Variants in UBN1 observed in about 807,000 individuals in gnomAD.
The protein encoded by UBN1 is ubinuclein-1.
Under a neutral mutation model 108.5 loss-of-function variants are expected in UBN1, and 17 were observed. The ratio of observed to expected loss-of-function variants is 0.16; its 90% CI spans 0.11 to 0.24. UBN1 has a LOEUF of 0.24. Ranked by LOEUF, UBN1 falls within the 10% of genes least tolerant of loss-of-function variation. UBN1 has a pLI of 1.00. For missense variants in UBN1, 1,595 were observed against 1,394.4 expected, an observed-to-expected ratio of 1.14 and a Z score of -2.29; for synonymous variants, 726 against 564.2, an observed-to-expected ratio of 1.29 and a Z score of -4.07.
chr16:4,872,048 A>T (rs1181755786), intron 12 of UBN1: 2 of 336,542 alleles, frequency 5.9e-6, no homozygotes, highest in African/African-American at 2.2e-5. Flanking sequence ...CCTTGTACGA[A>T]GTCACTTCCT....
chr16:4,861,083 G>A lies in UBN1; in HGVS notation c.1091G>A (p.Arg364His), dbSNP rs766566061. ...GGCCTGCCAGCACCCCTGGAGAAGC[G>A]CGTTAAGGAGCTGGCTCAGGTATGG... is the stretch of plus-strand genomic sequence containing the variant. ...PEGLPAPLEK[R>H]VKELAQAARA... Residue 364 changes from arginine (R) to histidine (H), a missense_variant, in exon 7 of 18, where the codon CGC becomes CAC. Physicochemically the swap from Arg to His is conservative, Grantham distance 29. Transcript: ENST00000262376. 1.9e-5 allele frequency: 31 copies of A among 1,613,090 alleles called. No individual in the cohort carries two copies. The Admixed American group carries it at 2.0e-4, about 10-fold the overall frequency.
chr16:4,875,262 C>T lies in UBN1; in HGVS notation c.2852C>T (p.Pro951Leu). The T allele has an allele frequency of 6.2e-7, 1 of 1,614,256 alleles. No homozygotes were observed. The highest frequency in any genetic ancestry group is 8.5e-7 in the Non-Finnish European group (1 of 1,180,050). The change falls in exon 15 of 18, where the codon CCA becomes CTA. Residue 951 changes from proline to leucine, a missense_variant. By Grantham distance (98) the Pro-to-Leu change is moderately conservative. This residue lies in a region of UBN1 where 1,398 missense variants were observed against 1,194.7 expected (regional missense o/e 1.17). Transcript: ENST00000262376. ...GGACAGGCCACCAGCCGACCCGTCC[C>T]AAGTTCAGCAGGGAAAAAAATGCCT... ...SVGQATSRPV[P>L]SSAGKKMPVS... is the part of the protein sequence containing the mutation.
At chr16:4,864,946 A>G (rs1170453870) in intron 7 of UBN1, among the ~76,000 whole-genome samples, 3 of 152,248 alleles carry the variant, frequency 2.0e-5, no homozygotes, top group African/African-American at 7.2e-5. Context: ...AAACAGATAC[A>G]GTATATAAGA....
chr16:4,866,184 G>A (rs1315972527), intron 7 of UBN1, among the ~76,000 whole-genome samples: 1 of 152,156 alleles, frequency 6.6e-6, no homozygotes, highest in African/African-American at 2.4e-5. Flanking sequence ...CCTTCCAAGT[G>A]CTAAGGTAGA....
chr16:4,881,924 C>T lies in UBN1; in HGVS notation c.*1792C>T, dbSNP rs898602911. 2 of 152,204 alleles carry T rather than the reference C, an allele frequency of 1.3e-5. No individual in the cohort carries two copies. The highest frequency in any genetic ancestry group is 4.8e-5 in the African/African-American group (2 of 41,274). The allele number at this position is 152,204 out of a possible 1,614,324, so 9.4% of individuals were successfully genotyped here. A position where few individuals can be genotyped will look rare whatever the true frequency, so the allele number is the denominator to read the frequency against. On this transcript the variant is annotated 3_prime_UTR_variant, in exon 18 of 18. Transcript: ENST00000262376. The stretch of plus-strand genomic sequence containing the variant: ...CATAAACACCCGGGTCCCAGGCCCT[C>T]CTTCCTTTCCCTTTGGTGCTCCCTC...
intron 7 of UBN1, among the ~76,000 whole-genome samples, chr16:4,861,448 C>A (rs1185260586): frequency 6.6e-6 from 1 of 152,188 alleles, no homozygotes; most frequent in African/African-American, 2.4e-5. Context: ...AGAGATTAAT[C>A]TTAGAATTCT....
chr16:4,873,120 A>G lies in UBN1; in HGVS notation c.1800+47A>G, dbSNP rs750867294. 354 of 1,611,790 alleles carry G rather than the reference A, an allele frequency of 2.2e-4. 2 individuals carry two copies. Among genetic ancestry groups the G allele is most frequent in the South Asian group, 3.3e-5 (3 of 91,030 alleles). On this transcript the variant is annotated intron_variant, in intron 14 of 17. Transcript: ENST00000262376. ...ACATGTCAGCTATGCCCATCTCCCT[A>G]CAACTATGCTCTGGAAACAGTCAAG...
At chr16:4,849,953 A>C (rs1478640223) in intron 1 of UBN1, among the ~76,000 whole-genome samples, 1 of 149,356 alleles carries the variant, frequency 6.7e-6, no homozygotes, top group Non-Finnish European at 1.5e-5. Flanking sequence ...GTCTCACAAA[A>C]AAAAAAAAAA....
intron 7 of UBN1, among the ~76,000 whole-genome samples, chr16:4,861,477 T>A (rs1295886695): frequency 1.3e-5 from 2 of 152,224 alleles, no homozygotes; most frequent in African/African-American, 2.4e-5. Context: ...TTTTGCAAAT[T>A]CACAAAAGTT....
chr16:4,851,920 T>G (rs758871542), intron 1 of UBN1, among the ~76,000 whole-genome samples: 4 of 152,200 alleles, frequency 2.6e-5, no homozygotes, highest in Non-Finnish European at 5.9e-5. Flanking sequence ...TTATAAGAGA[T>G]ATGACAGATT....
chr16:4,853,229 G>A (rs2086637594), intron 2 of UBN1, 63 bp downstream of exon 2: 1 of 1,573,546 alleles, frequency 6.4e-7, no homozygotes, highest in Middle Eastern at 1.8e-4. Flanking sequence ...GCATGCATGT[G>A]GGGCTTCCGT....
In UBN1 at chr16:4,858,037, T is replaced by G. The variant is rs747979763; in HGVS notation, c.297T>G (p.His99Gln). 14 of 1,613,442 alleles carry G rather than the reference T, an allele frequency of 8.7e-6. No individual in the cohort carries two copies. The highest frequency in any genetic ancestry group is 1.6e-4 in the Middle Eastern group (1 of 6,082). Reference sequence around the variant, plus strand: ...TCAATGACGAAGAAAAGGAAAGGCATAAAGTAGAGGCCCTTGCCCGAAAAT... The same window carrying G: ...TCAATGACGAAGAAAAGGAAAGGCAGAAAGTAGAGGCCCTTGCCCGAAAAT... The part of the protein sequence containing the change: ...DPFNDEEKER[H>Q]KVEALARKFE... Residue 99 changes from histidine to glutamine, a missense_variant, in exon 3 of 18, where the codon CAT (histidine) becomes CAG (glutamine). Transcript: ENST00000262376.
At chr16:4,855,794 A>C (rs771552630) in intron 2 of UBN1, among the ~76,000 whole-genome samples, 1 of 151,986 alleles carries the variant, frequency 6.6e-6, no homozygotes, top group Non-Finnish European at 1.5e-5. Context: ...TAGTGCATGC[A>C]TGTAATCCCA....
intron 13 of UBN1, 46 bp from the exon 14 acceptor site, chr16:4,872,984 TC>T: frequency 6.2e-7 from 1 of 1,614,206 alleles, no homozygotes; most frequent in African/African-American, 1.3e-5. Context: ...GTTTTTGGTC[TC>T]CTCTGGATAT....
In UBN1 at chr16:4,877,195, G is replaced by T. The variant is rs2087924190; in HGVS notation, c.3265+84G>T. The T allele has an allele frequency of 1.3e-6, 2 of 1,528,102 alleles. No individual in the cohort carries two copies. Among genetic ancestry groups the T allele is most frequent in the African/African-American group, 2.8e-5 (2 of 72,608 alleles). The allele number at this position is 1,528,102 out of a possible 1,614,324, so 94.7% of individuals were successfully genotyped here. On this transcript the variant is annotated intron_variant, in intron 16 of 17. Coordinates refer to ENST00000262376, the MANE Select transcript of UBN1 (RefSeq NM_001079514.3). This position sits in a 1 kb window ranked among gnomAD's most constrained non-coding sequence, Gnocchi z 4.3. ...CCTGCTGTTGTGTACTCTGGTTCCT[G>T]TGTTTGAGTCTGGTGTGTGACTGTG...
chr16:4,864,405 G>C (rs1329502876), intron 7 of UBN1, among the ~76,000 whole-genome samples: 3 of 152,176 alleles, frequency 2.0e-5, no homozygotes, highest in African/African-American at 7.2e-5. Flanking sequence ...TTGAAAACTT[G>C]TGTATGTTAA....
intron 2 of UBN1, among the ~76,000 whole-genome samples, chr16:4,854,552 TTACCATTTTAAC>T (rs2086708403): frequency 6.7e-6 from 1 of 149,488 alleles, no homozygotes; most frequent in African/African-American, 2.5e-5. Flanking sequence ...AGATGGGGTT[TTACCATTTTAAC>T]CATGTAGGCC....
rs1567956542 is a variant in UBN1, at chr16:4,875,186, C to A, written c.2776C>A (p.Gln926Lys). The change falls in exon 15 of 18, where the codon CAG becomes AAG. Residue 926 changes from glutamine (Q) to lysine (K), a missense_variant. Physicochemically the swap from Gln to Lys is moderately conservative, Grantham distance 53 (BLOSUM62 1). Transcript: ENST00000262376. ...CTCTTCCTCGGGAGGAACACCAGTC[C>A]AGAGTTCTGTTTCTGGGAGCCTGGT... ...GSSSSGGTPV[Q>K]SSVSGSLVPG... 2 of 1,614,228 alleles carry A rather than the reference C, an allele frequency of 1.2e-6. No homozygotes were observed. The highest frequency in any genetic ancestry group is 1.7e-6 in the Non-Finnish European group (2 of 1,180,046).
Position 4,877,681 on chromosome 16 carries a change from C to T in UBN1, c.3355+207C>T. Reference sequence around the variant, plus strand: ...TTCCTCTGGTCCCCACTTGGAGCTGCCGCCAGGTCAGCCTCAGCCTGTGTG... The same window carrying T: ...TTCCTCTGGTCCCCACTTGGAGCTGTCGCCAGGTCAGCCTCAGCCTGTGTG... On this transcript the variant is annotated intron_variant, in intron 17 of 17. Transcript: ENST00000262376. This position sits in a 1 kb window ranked among gnomAD's most constrained non-coding sequence, Gnocchi z 4.3. 7.8e-7 allele frequency: 1 copy of T among 1,274,796 alleles called. No homozygotes were observed. Among genetic ancestry groups the T allele is most frequent in the Non-Finnish European group, 9.9e-7 (1 of 1,011,162 alleles). 79.0% of individuals were successfully genotyped at this position (1,274,796 alleles called of 1,614,324 possible). A position where few individuals can be genotyped will look rare whatever the true frequency, so the allele number is the denominator to read the frequency against.
Sources: allele counts gnomAD v4.1 joint callset (sites outside exome capture counted in the v4.1 genomes callset), GRCh38; gene constraint gnomAD v4.1.1; regional missense constraint gnomAD v4.1.1; non-coding constraint Gnocchi (gnomAD v3.1); transcripts MANE v1.5; gene names NCBI Gene and HGNC (gene_info 2026-07-23, HGNC 2026-07-21).